Variants in MTUS1 observed in about 807,000 individuals in gnomAD.
The protein encoded by MTUS1 is microtubule associated scaffold protein 1, also known as microtubule-associated tumor suppressor 1.
A neutral mutation model predicts 120.8 loss-of-function variants in MTUS1; 109 were observed. The observed-to-expected ratio is 0.90, with a 90% CI of 0.77 to 1.06. The LOEUF (loss-of-function observed/expected upper bound fraction) is 1.06. MTUS1 is among the 50% of genes least tolerant of loss of function. The pLI is 0.00. For synonymous variants in MTUS1, 737 were observed against 550.5 expected, an observed-to-expected ratio of 1.34 and a Z score of -4.74; for missense variants, 2,210 against 1,486.3, an observed-to-expected ratio of 1.49 and a Z score of -8.01.
chr8:17,658,013 CTA>C (rs374097351), intron 8 of MTUS1, among the ~76,000 whole-genome samples: 3,470 of 87,324 alleles, frequency 0.04, 134 homozygotes, highest in African/African-American at 0.11. Flanking sequence ...CATATATACA[CTA>C]TATATATAGA....
intron 3 of MTUS1, 145 bp downstream of exon 3, chr8:17,743,459 A>T (rs1476785865): frequency 2.7e-6 from 2 of 731,562 alleles, no homozygotes; most frequent in Non-Finnish European, 4.4e-6. Context: ...ATATGTTGTC[A>T]TCTTCTTTTT....
At chr8:17,775,278 T>C (rs1303448419) in intron 1 of MTUS1, among the ~76,000 whole-genome samples, 1 of 152,204 alleles carries the variant, frequency 6.6e-6, no homozygotes, top group Non-Finnish European at 1.5e-5. Flanking sequence ...ATAATTTTTT[T>C]TTTAAAGCAA....
In MTUS1 at chr8:17,737,965, G is replaced by A. The variant is rs184989715; in HGVS notation, c.2287+5639C>T. Reference sequence around the variant, plus strand: ...AGAAGATTTGAAATTACCTTAACACGAAATGAATGAAAAAATAATCAGTTT... The same window carrying A: ...AGAAGATTTGAAATTACCTTAACACAAAATGAATGAAAAAATAATCAGTTT... On this transcript the variant is annotated intron_variant, in intron 3 of 14. Coordinates refer to ENST00000693296, the MANE Select transcript of MTUS1 (RefSeq NM_001363059.2). 2.0e-4 allele frequency among the ~76,000 whole-genome samples: 31 copies of A among 152,184 alleles called. No homozygotes were observed. In the East Asian group the frequency reaches 5.8e-3, roughly 28 times the overall value.
At chr8:17,765,564 A>C (rs919528096) in intron 1 of MTUS1, among the ~76,000 whole-genome samples, 3 of 148,954 alleles carry the variant, frequency 2.0e-5, no homozygotes, top group African/African-American at 7.4e-5. Flanking sequence ...AGTTGCAGTG[A>C]GCTGAGATTA....
chr8:17,739,004 A>T (rs2047122750), intron 3 of MTUS1, among the ~76,000 whole-genome samples: 1 of 152,012 alleles, frequency 6.6e-6, no homozygotes, highest in Admixed American at 6.5e-5. Context: ...TCAGCTGGGC[A>T]TGCTGACACA....
chr8:17,658,686 T>C (rs1408999722), intron 8 of MTUS1, among the ~76,000 whole-genome samples: 1 of 152,294 alleles, frequency 6.6e-6, no homozygotes, highest in East Asian at 1.9e-4. Flanking sequence ...AAGAAGATTA[T>C]TTTAGGGCAC....
Position 17,656,097 on chromosome 8 carries a change from G to A in MTUS1, c.2906-32C>T, listed in dbSNP as rs1400294307. On this transcript the variant is annotated intron_variant, in intron 8 of 14. Coordinates refer to ENST00000693296, the MANE Select transcript of MTUS1 (RefSeq NM_001363059.2). The stretch of plus-strand genomic sequence containing the variant: ...ACAGAGGAGAAAGAAGAGGGAAGAG[G>A]TCATTTTATTTGTGAAATGTCCTAT... The A allele has an allele frequency of 8.8e-6, 14 of 1,599,552 alleles. No homozygotes were observed. The South Asian group carries it at 8.8e-5, about 10-fold the overall frequency.
intron 2 of MTUS1, among the ~76,000 whole-genome samples, chr8:17,748,559 A>T (rs537373468): frequency 6.6e-6 from 1 of 152,248 alleles, no homozygotes; most frequent in South Asian, 2.1e-4. Context: ...TGGATGGTGG[A>T]GCCAAGAGAG....
chr8:17,755,814 T>G lies in MTUS1; in HGVS notation c.-7A>C, dbSNP rs374568919. On this transcript the variant is annotated 5_prime_UTR_variant, in exon 2 of 15. Coordinates refer to ENST00000693296, the MANE Select transcript of MTUS1 (RefSeq NM_001363059.2). Reference sequence around the variant, plus strand: ...CTGAATTATCATCAGTCATCCTGAATAGTAACCTTAAACCTCTGCCATTTT... The same window carrying G: ...CTGAATTATCATCAGTCATCCTGAAGAGTAACCTTAAACCTCTGCCATTTT... 7.5e-6 allele frequency: 12 copies of G among 1,608,002 alleles called. No individual in the cohort carries two copies. Among genetic ancestry groups the G allele is most frequent in the Non-Finnish European group, 1.0e-5 (12 of 1,177,064 alleles).
At position 17,672,886 on chromosome 8, in the gene MTUS1, C is replaced by T. The variant is rs1009558672; in HGVS notation, c.2905+2300G>A. On this transcript the variant is annotated intron_variant, in intron 8 of 14. Coordinates refer to ENST00000693296, the MANE Select transcript of MTUS1 (RefSeq NM_001363059.2). ...ACCTGACTCACTGGAGGTGCTGAAT[C>T]CCTGGGCCCCAACTGCGGTTGCTTA... 5.9e-5 allele frequency among the ~76,000 whole-genome samples: 9 copies of T among 152,178 alleles called. No homozygotes were observed. The East Asian group carries it at 7.7e-4, about 13-fold the overall frequency.
chr8:17,787,701 A>G (rs919707611), intron 1 of MTUS1, among the ~76,000 whole-genome samples: 1 of 152,242 alleles, frequency 6.6e-6, no homozygotes, highest in Non-Finnish European at 1.5e-5. Context: ...GTTAAATAAA[A>G]TTTTTGGAAA....
At chr8:17,765,326 G>C (rs1443742166) in intron 1 of MTUS1, among the ~76,000 whole-genome samples, 4 of 152,120 alleles carry the variant, frequency 2.6e-5, no homozygotes, top group Admixed American at 2.0e-4. Context: ...TTGCCGTGAT[G>C]AATCAAAACT....
chr8:17,764,199 G>T (rs1489867345), intron 1 of MTUS1, among the ~76,000 whole-genome samples: 1 of 152,128 alleles, frequency 6.6e-6, no homozygotes, highest in African/African-American at 2.4e-5. Flanking sequence ...TCAAAACAAA[G>T]ATGTTACAGG....
chr8:17,775,625 T>C (rs2050363377), intron 1 of MTUS1, among the ~76,000 whole-genome samples: 1 of 152,214 alleles, frequency 6.6e-6, no homozygotes, highest in Admixed American at 6.5e-5. Context: ...TTAACTATCA[T>C]AAAAGAGACA....
chr8:17,670,533 C>T (rs1811802349), intron 8 of MTUS1, among the ~76,000 whole-genome samples: 1 of 152,066 alleles, frequency 6.6e-6, no homozygotes. Context: ...AAGATCACAG[C>T]AGACATCTGA....
intron 4 of MTUS1, among the ~76,000 whole-genome samples, chr8:17,717,620 C>A (rs926138756): frequency 6.6e-6 from 1 of 152,128 alleles, no homozygotes; most frequent in Non-Finnish European, 1.5e-5. Context: ...ATTCTAAATT[C>A]ATGCTTTTCT....
chr8:17,712,193 C>T (rs73204290), intron 6 of MTUS1, among the ~76,000 whole-genome samples: 5,053 of 152,246 alleles, frequency 0.033, 117 homozygotes, highest in Non-Finnish European at 0.052. Context: ...AGAAAATGAG[C>T]GATGCTTGTA....
intron 6 of MTUS1, among the ~76,000 whole-genome samples, chr8:17,699,868 T>C (rs1392452580): frequency 6.6e-6 from 1 of 152,206 alleles, no homozygotes; most frequent in Non-Finnish European, 1.5e-5. Context: ...TTTAAATAAC[T>C]GGATAAGCAA....
intron 3 of MTUS1, among the ~76,000 whole-genome samples, chr8:17,727,376 C>T (rs968888447): frequency 9.2e-5 from 14 of 152,122 alleles, no homozygotes; most frequent in African/African-American, 2.4e-4. Flanking sequence ...AGTGTTCCCT[C>T]GGCCATGCCA....
Sources: gnomAD v4.1 joint callset for allele counts (sites outside exome capture counted in the v4.1 genomes callset) on GRCh38, gnomAD v4.1.1 for gene constraint, MANE v1.5 for transcripts, NCBI Gene and HGNC (gene_info 2026-07-23, HGNC 2026-07-21) for gene names.